Variants in HDAC4 observed in about 807,000 individuals in gnomAD.
HDAC4 encodes the protein histone deacetylase A.
A neutral mutation model predicts 135.1 loss-of-function variants in HDAC4; 16 were observed. That is an observed-to-expected ratio of 0.12 (90% CI 0.08 to 0.18). The LOEUF (loss-of-function observed/expected upper bound fraction) is 0.18, where lower values mean the gene tolerates loss of function less well. Ranked by LOEUF, HDAC4 falls within the 10% of genes least tolerant of loss-of-function variation. The probability of loss-of-function intolerance (pLI) is 1.00; values close to 1 mark genes in which losing one functional copy is unlikely to be tolerated. For synonymous variants in HDAC4, 685 were observed against 653.4 expected (o/e 1.05, Z -0.74); for missense variants, 1,143 against 1,511.8 (o/e 0.76, Z 4.05).
At chr2:239,171,748 T>C (rs1186200159) in intron 5 of HDAC4, among the ~76,000 whole-genome samples, 1 of 152,074 alleles carries the variant, frequency 6.6e-6, no homozygotes, top group Non-Finnish European at 1.5e-5. Context: ...ATCTTAAAAA[T>C]AGCTAGGGAA....
chr2:239,246,415 G>A (rs2048463253), intron 2 of HDAC4, among the ~76,000 whole-genome samples: 1 of 152,258 alleles, frequency 6.6e-6, no homozygotes. Flanking sequence ...AGCAGTGTCA[G>A]GAATCAGTGT....
In HDAC4 at chr2:239,111,514, G is replaced by T; in HGVS notation, c.1978+12C>A. The stretch of plus-strand genomic sequence containing the variant: ...CGTTGCACCCTCAGGCTGCACAAAG[G>T]CCACGTGTTACCTGTCGTGAACCTC... On this transcript the variant is annotated intron_variant, in intron 14 of 26. Transcript: ENST00000543185. The T allele has an allele frequency of 1.2e-6, 2 of 1,610,272 alleles. No individual in the cohort carries two copies. The highest frequency in any genetic ancestry group is 1.7e-6 in the Non-Finnish European group (2 of 1,178,968).
chr2:239,373,062 G>A (rs1694747398), intron 1 of HDAC4, among the ~76,000 whole-genome samples: 1 of 152,194 alleles, frequency 6.6e-6, no homozygotes, highest in African/African-American at 2.4e-5. Flanking sequence ...ACTGCCGGGT[G>A]CAAAGAGCCT....
At chr2:239,244,521 G>C (rs921314448) in intron 2 of HDAC4, among the ~76,000 whole-genome samples, 1 of 152,172 alleles carries the variant, frequency 6.6e-6, no homozygotes, top group African/African-American at 2.4e-5. Flanking sequence ...ATCCCCTCAG[G>C]CCTCTAACCT....
At chr2:239,113,596 G>C (rs761038582) in intron 13 of HDAC4, among the ~76,000 whole-genome samples, 1 of 152,196 alleles carries the variant, frequency 6.6e-6, no homozygotes, top group African/African-American at 2.4e-5. Flanking sequence ...AATATAACAA[G>C]CCTCTTTTTC....
intron 19 of HDAC4, chr2:239,085,815 A>G (rs915464486): frequency 4.8e-5 from 7 of 145,186 alleles, no homozygotes; most frequent in African/African-American, 1.6e-4. Flanking sequence ...CGCGGATCTG[A>G]CTATCTCTCA....
chr2:239,344,937 C>T (rs904550369), intron 2 of HDAC4, among the ~76,000 whole-genome samples: 6 of 152,038 alleles, frequency 3.9e-5, no homozygotes, highest in African/African-American at 1.2e-4. Context: ...CCCAGGGCTG[C>T]CCACCGCAGG....
intron 7 of HDAC4, among the ~76,000 whole-genome samples, chr2:239,151,971 G>C (rs2042144308): frequency 6.6e-6 from 1 of 151,376 alleles, no homozygotes; most frequent in Admixed American, 6.6e-5. Context: ...GGAACGAACT[G>C]TGCTGGCTGG....
intron 24 of HDAC4, among the ~76,000 whole-genome samples, chr2:239,060,709 C>T (rs1230309102): frequency 6.6e-6 from 1 of 152,252 alleles, no homozygotes; most frequent in Non-Finnish European, 1.5e-5. Context: ...ATCTCCCCTC[C>T]TGGACGTTTA....
intron 3 of HDAC4, chr2:239,191,103 C>T (rs905575706): frequency 5.8e-5 from 25 of 429,968 alleles, no homozygotes; most frequent in African/African-American, 4.6e-4. Flanking sequence ...TCCCCTCCCA[C>T]AGGCCCACCC....
At position 239,072,303 on chromosome 2, in the gene HDAC4, T is replaced by C. The variant is rs6714704; in HGVS notation, c.2751-3696A>G. ...AACCCATGCAGTTTTTTTCAAAATATGCATTTTCTACGAACTTTTAAAAGT... is the reference window on the plus strand; with the variant it reads ...AACCCATGCAGTTTTTTTCAAAATACGCATTTTCTACGAACTTTTAAAAGT... On this transcript the variant is annotated intron_variant, in intron 22 of 26. Transcript: ENST00000543185. 6.7e-3 allele frequency among the ~76,000 whole-genome samples: 1,013 copies of C among 152,298 alleles called. 9 individuals are homozygous for C. The highest frequency in any genetic ancestry group is 0.02 in the African/African-American group (837 of 41,552).
At chr2:239,086,388 C>G (rs2035954917) in intron 19 of HDAC4, among the ~76,000 whole-genome samples, 1 of 149,780 alleles carries the variant, frequency 6.7e-6, no homozygotes, top group African/African-American at 2.5e-5. Flanking sequence ...CTCTAACACG[C>G]GGATCTGACT....
chr2:239,398,639 T>G (rs1205770742), intron 1 of HDAC4, among the ~76,000 whole-genome samples: 1 of 152,250 alleles, frequency 6.6e-6, no homozygotes, highest in Non-Finnish European at 1.5e-5. Context: ...TCCATCTTGC[T>G]ACAGCAACAG....
At chr2:239,373,790 C>T (rs538189521) in intron 1 of HDAC4, among the ~76,000 whole-genome samples, 1 of 152,258 alleles carries the variant, frequency 6.6e-6, no homozygotes, top group Admixed American at 6.5e-5. Context: ...TATCTTTATC[C>T]ACTCAAAAGT....
intron 19 of HDAC4, among the ~76,000 whole-genome samples, chr2:239,084,929 TACAG>T (rs888158373): frequency 1.9e-4 from 22 of 118,436 alleles, no homozygotes; most frequent in East Asian, 5.9e-4. Context: ...GAACACCCCA[TACAG>T]AAACACTCAC....
chr2:239,052,767 C>T lies in HDAC4; in HGVS notation c.*330G>A, dbSNP rs947392032. On this transcript the variant is annotated 3_prime_UTR_variant, in exon 27 of 27. Transcript: ENST00000543185. ...CTCGTGTCAACTGAATTCGGCAGCTCGGCCGCCTGTTGCCACAGGCTCCTT... is the reference window on the plus strand; with the variant it reads ...CTCGTGTCAACTGAATTCGGCAGCTTGGCCGCCTGTTGCCACAGGCTCCTT... The T allele has an allele frequency of 2.9e-5, 12 of 407,420 alleles. No homozygotes were observed. Among genetic ancestry groups the T allele is most frequent in the African/African-American group, 8.0e-5 (4 of 50,152 alleles). The allele number at this position is 407,420 out of a possible 1,614,324, so 25.2% of individuals were successfully genotyped here. A position where few individuals can be genotyped will look rare whatever the true frequency, so the allele number is the denominator to read the frequency against.
intron 3 of HDAC4, among the ~76,000 whole-genome samples, chr2:239,216,566 T>C (rs1179787628): frequency 2.0e-5 from 3 of 152,164 alleles, no homozygotes; most frequent in Non-Finnish European, 2.9e-5. Flanking sequence ...AGTTTTTAAT[T>C]TTATGTGATG....
At chr2:239,144,956 T>C (rs2041654559) in intron 7 of HDAC4, among the ~76,000 whole-genome samples, 3 of 152,340 alleles carry the variant, frequency 2.0e-5, no homozygotes, top group South Asian at 2.1e-4. Context: ...CACAGCATTA[T>C]GCAAGCGCTG....
At chr2:239,160,662 A>G (rs12998575) in intron 6 of HDAC4, among the ~76,000 whole-genome samples, 3 of 152,242 alleles carry the variant, frequency 2.0e-5, no homozygotes, top group Admixed American at 1.3e-4. Context: ...GTCACTGCGG[A>G]GTAGCAGTGC....
Sources: gnomAD v4.1 joint callset for allele counts (sites outside exome capture counted in the v4.1 genomes callset) on GRCh38, gnomAD v4.1.1 for gene constraint, MANE v1.5 for transcripts, NCBI Gene and HGNC (gene_info 2026-07-23, HGNC 2026-07-21) for gene names.